AMN1: variants seen among roughly 807,000 people sequenced by gnomAD.
AMN1 encodes protein AMN1 homolog.
AMN1 carries 20 observed loss-of-function variants against 33.0 expected under a neutral mutation model. The ratio of observed to expected loss-of-function variants is 0.61; its 90% confidence interval spans 0.43 to 0.88. The LOEUF (loss-of-function observed/expected upper bound fraction) is 0.88, where lower values mean the gene tolerates loss of function less well. AMN1 is among the 40% of genes least tolerant of loss of function. The probability of loss-of-function intolerance (pLI) is 0.00; values close to 1 mark genes in which losing one functional copy is unlikely to be tolerated. For missense variants in AMN1, 246 were observed against 307.4 expected, an observed-to-expected ratio of 0.80 and a Z score of 1.49; for synonymous variants, 114 against 111.9, an observed-to-expected ratio of 1.02 and a Z score of -0.12.
chr12:31,713,684 T>C (rs1939557153), intron 1 of AMN1, among the ~76,000 whole-genome samples: 1 of 152,034 alleles, frequency 6.6e-6, no homozygotes, highest in Non-Finnish European at 1.5e-5. Context: ...CTACAAATAA[T>C]ACAAAAATTA....
chr12:31,696,090 A>C (rs1938711772), intron 5 of AMN1, among the ~76,000 whole-genome samples: 1 of 151,770 alleles, frequency 6.6e-6, no homozygotes, highest in African/African-American at 2.4e-5. Context: ...TATAAAAATT[A>C]GCTGGATGTG....
upstream of AMN1, chr12:31,729,024 A>C: frequency 6.5e-7 from 1 of 1,540,322 alleles, no homozygotes; most frequent in Non-Finnish European, 8.8e-7. Context: ...CAGCGTCTGA[A>C]GCCTCTTCCG....
chr12:31,718,021 T>C (rs1228422065), intron 1 of AMN1, among the ~76,000 whole-genome samples: 1 of 152,184 alleles, frequency 6.6e-6, no homozygotes, highest in Non-Finnish European at 1.5e-5. Context: ...TTTTCCAACG[T>C]GGTTCCATTC....
At chr12:31,695,490 T>TC (rs1555187137) in intron 5 of AMN1, among the ~76,000 whole-genome samples, 78 of 138,498 alleles carry the variant, frequency 5.6e-4, no homozygotes, top group Admixed American at 7.3e-4. Flanking sequence ...TTTCTTTCTT[T>TC]TTTTTTTTTT....
At position 31,687,497 on chromosome 12, in the gene AMN1, G is replaced by A. The variant is rs1343235245; in HGVS notation, c.703+1510C>T. Among the ~76,000 whole-genome samples, 1 of 151,932 alleles carries A rather than the reference G, an allele frequency of 6.6e-6. No individual in the cohort carries two copies. Among genetic ancestry groups the A allele is most frequent in the Non-Finnish European group, 1.5e-5 (1 of 67,982 alleles). Reference sequence around the variant, plus strand: ...TGAGGTCAGGAGCCTGGCCTGACCAGTATGGTGATACCCCGTCTCTACTAA... The same window carrying A: ...TGAGGTCAGGAGCCTGGCCTGACCAATATGGTGATACCCCGTCTCTACTAA... On this transcript the variant is annotated intron_variant, in intron 6 of 6. Coordinates refer to ENST00000281471, the MANE Select transcript of AMN1 (RefSeq NM_001113402.2). The surrounding 1 kb of genome is among the most constrained non-coding windows in gnomAD (Gnocchi z 4.1).
intron 5 of AMN1, among the ~76,000 whole-genome samples, chr12:31,696,590 C>A (rs1046741062): frequency 6.6e-6 from 1 of 152,088 alleles, no homozygotes; most frequent in African/African-American, 2.4e-5. Context: ...AAATAGGTTA[C>A]AAGTGCATTA....
chr12:31,702,095 A>G (rs1340282084), intron 2 of AMN1, 88 bp from the exon 3 acceptor site: 7 of 1,190,604 alleles, frequency 5.9e-6, no homozygotes, highest in Admixed American at 2.9e-5. Context: ...TGGTCATAAC[A>G]GACAAGTGGC....
At chr12:31,679,374 C>CA (rs927764330) in intron 6 of AMN1, among the ~76,000 whole-genome samples, 13 of 151,618 alleles carry the variant, frequency 8.6e-5, no homozygotes, top group African/African-American at 2.9e-4. Flanking sequence ...TAAAAAAATA[C>CA]AAAAAAATTA....
intron 6 of AMN1, among the ~76,000 whole-genome samples, chr12:31,678,238 G>T (rs1194396975): frequency 1.3e-5 from 2 of 152,082 alleles, no homozygotes; most frequent in Non-Finnish European, 1.5e-5. Context: ...TATGATGGGT[G>T]AGGAAAGGTA....
intron 6 of AMN1, among the ~76,000 whole-genome samples, chr12:31,681,996 C>T (rs1200867459): frequency 6.6e-6 from 1 of 152,188 alleles, no homozygotes; most frequent in African/African-American, 2.4e-5. Flanking sequence ...ATTTCAATAT[C>T]TCACTTTCCT....
chr12:31,692,385 A>C (rs1300458923), intron 5 of AMN1, among the ~76,000 whole-genome samples: 1 of 150,428 alleles, frequency 6.6e-6, no homozygotes, highest in Non-Finnish European at 1.5e-5. Flanking sequence ...TGAACCCGGG[A>C]GGTGGAGGTT....
At position 31,683,339 on chromosome 12, in the gene AMN1, A is replaced by C. The variant is rs1938114734; in HGVS notation, c.703+5668T>G. Among the ~76,000 whole-genome samples the C allele has an allele frequency of 6.6e-6, 1 of 152,234 alleles. No homozygotes were observed. The highest frequency in any genetic ancestry group is 2.4e-5 in the African/African-American group (1 of 41,458). ...TCTTTACCATAAAGCAGTGGTTCCC[A>C]AAGTGTAGTCTGCATATTCTGTAGT... On this transcript the variant is annotated intron_variant, in intron 6 of 6. Coordinates refer to ENST00000281471, the MANE Select transcript of AMN1 (RefSeq NM_001113402.2). This position sits in a 1 kb window ranked among gnomAD's most constrained non-coding sequence, Gnocchi z 4.1.
chr12:31,692,312 CTGGGCGTGG>C (rs938471425), intron 5 of AMN1, among the ~76,000 whole-genome samples: 3 of 151,602 alleles, frequency 2.0e-5, no homozygotes, highest in African/African-American at 7.3e-5. Context: ...CAAAAATTAG[CTGGGCGTGG>C]TGGTGTGCAC....
intron 5 of AMN1, among the ~76,000 whole-genome samples, chr12:31,696,768 A>G (rs913777184): frequency 2.6e-5 from 4 of 151,928 alleles, no homozygotes; most frequent in African/African-American, 9.7e-5. Flanking sequence ...CTCTACTAAA[A>G]ATACAAAAAT....
chr12:31,704,115 G>C (rs1336021530), intron 2 of AMN1, among the ~76,000 whole-genome samples: 1 of 152,028 alleles, frequency 6.6e-6, no homozygotes, highest in Non-Finnish European at 1.5e-5. Flanking sequence ...TTAATAATAA[G>C]CAAATCTTTA....
intron 4 of AMN1, 40 bp from the exon 5 acceptor site, chr12:31,697,457 A>T: frequency 6.3e-7 from 1 of 1,591,064 alleles, no homozygotes; most frequent in Non-Finnish European, 8.6e-7. Flanking sequence ...ATGAATCCAG[A>T]CAACGGAAGT....
upstream of AMN1, chr12:31,729,124 T>C (rs1334038031): frequency 3.3e-6 from 4 of 1,196,542 alleles, no homozygotes; most frequent in Non-Finnish European, 4.6e-6. Flanking sequence ...GTCACACGGA[T>C]TTTTCCGGTG....
At chr12:31,727,877 C>T (rs1174307812) in intron 1 of AMN1, among the ~76,000 whole-genome samples, 2 of 152,148 alleles carry the variant, frequency 1.3e-5, no homozygotes, top group Non-Finnish European at 2.9e-5. Context: ...GGACTACCGG[C>T]GCCACTACTA....
rs968784249 is a variant in AMN1 at position 31,729,002 on chromosome 12, G to T, written c.7C>A (p.Arg3Ser). The change falls in exon 1 of 7, where the codon CGC becomes AGC. Residue 3 changes from arginine to serine, a missense_variant. Coordinates refer to ENST00000281471, the MANE Select transcript of AMN1 (RefSeq NM_001113402.2). MP[R>S]PRRVSQLLDL... ...AGGAGCTGACTGACCCGCCGTGGGCGAGGCATCGCTGCAGCGTCTGAAGCC... is the reference window on the plus strand; with the variant it reads ...AGGAGCTGACTGACCCGCCGTGGGCTAGGCATCGCTGCAGCGTCTGAAGCC... The T allele has an allele frequency of 6.5e-6, 10 of 1,545,236 alleles. No homozygotes were observed. Among genetic ancestry groups the T allele is most frequent in the South Asian group, 2.4e-5 (2 of 83,822 alleles).
Sources: gnomAD v4.1 joint callset for allele counts (sites outside exome capture counted in the v4.1 genomes callset) on GRCh38, gnomAD v4.1.1 for gene constraint, Gnocchi (gnomAD v3.1) non-coding constraint, MANE v1.5 for transcripts, NCBI Gene and HGNC (gene_info 2026-07-23, HGNC 2026-07-21) for gene names.